Variants in ASIC2 observed in about 807,000 individuals in gnomAD.
ASIC2 encodes acid sensing ion channel subunit 2, also known as acid-sensing ion channel 2.
In ASIC2, 25 loss-of-function variants were observed where a neutral mutation model predicts 57.3. That is an observed-to-expected ratio of 0.44 (90% confidence interval 0.32 to 0.61). ASIC2 has a LOEUF of 0.61. Ranked by LOEUF, ASIC2 falls within the 20% of genes least tolerant of loss-of-function variation. The probability of loss-of-function intolerance (pLI) is 0.06; values close to 1 mark genes in which losing one functional copy is unlikely to be tolerated. For missense variants in ASIC2, 641 were observed against 738.1 expected (o/e 0.87, Z 1.52); for synonymous variants, 319 against 307.5 (o/e 1.04, Z -0.39).
intron 1 of ASIC2, among the ~76,000 whole-genome samples, chr17:34,138,882 C>G (rs1334678860): frequency 6.6e-6 from 1 of 152,194 alleles, no homozygotes; most frequent in Non-Finnish European, 1.5e-5. Context: ...ATCACACAAC[C>G]CAATCCTCTG....
chr17:33,887,619 T>C (rs1179505116), intron 1 of ASIC2, among the ~76,000 whole-genome samples: 1 of 152,110 alleles, frequency 6.6e-6, no homozygotes, highest in East Asian at 1.9e-4. Flanking sequence ...CTTTTGTGGT[T>C]CTGGGTGTAC....
intron 1 of ASIC2, chr17:33,565,811 G>C (rs1597787201): frequency 6.6e-6 from 1 of 152,378 alleles, no homozygotes; most frequent in East Asian, 1.9e-4. Flanking sequence ...CCTGTGTGTA[G>C]CACTCAGGAC....
chr17:33,536,883 C>G (rs1203656492), intron 1 of ASIC2, among the ~76,000 whole-genome samples: 1 of 152,086 alleles, frequency 6.6e-6, no homozygotes, highest in Non-Finnish European at 1.5e-5. Context: ...CCTGTAGTTC[C>G]AGCTACTTGG....
rs375676999 is a variant in ASIC2, at chr17:34,098,695, A to T, written c.555+57283T>A. Among the ~76,000 whole-genome samples, 31 of 152,058 alleles carry T rather than the reference A, an allele frequency of 2.0e-4. 1 individual carries two copies. The highest frequency in any genetic ancestry group is 7.2e-4 in the African/African-American group (30 of 41,456). On this transcript the variant is annotated intron_variant, in intron 1 of 9. Transcript: ENST00000359872. ...GCTTTCCGTAACTGTGTGTAGATAG[A>T]AAGAATTAGCATCATTAGGGTGAGA...
chr17:33,392,853 T>A (rs1322629726), intron 1 of ASIC2, among the ~76,000 whole-genome samples: 1 of 152,196 alleles, frequency 6.6e-6, no homozygotes, highest in South Asian at 2.1e-4. Flanking sequence ...ACCATAAATG[T>A]TCACCTTTGC....
intron 1 of ASIC2, among the ~76,000 whole-genome samples, chr17:33,247,588 G>C (rs1037050970): frequency 7.9e-5 from 12 of 152,246 alleles, no homozygotes; most frequent in Admixed American, 3.3e-4. Flanking sequence ...GAACAAGGTA[G>C]CTTTCAGAAA....
intron 1 of ASIC2, among the ~76,000 whole-genome samples, chr17:33,876,737 C>G (rs563235457): frequency 6.6e-6 from 1 of 152,314 alleles, no homozygotes; most frequent in Admixed American, 6.5e-5. Context: ...CAAGTCCAGT[C>G]CAGCCTCACA....
intron 1 of ASIC2, among the ~76,000 whole-genome samples, chr17:33,471,959 AACTC>A (rs1374027906): frequency 6.6e-6 from 1 of 151,986 alleles, no homozygotes; most frequent in Non-Finnish European, 1.5e-5. Flanking sequence ...AAGATTAAGC[AACTC>A]ACTCAAGGTC....
chr17:33,078,617 T>A (rs1472012627), intron 3 of ASIC2, among the ~76,000 whole-genome samples: 1 of 152,148 alleles, frequency 6.6e-6, no homozygotes, highest in Non-Finnish European at 1.5e-5. Context: ...GATTGATTGA[T>A]TGTAGAAATG....
At chr17:33,289,436 G>A (rs1024091790) in intron 1 of ASIC2, among the ~76,000 whole-genome samples, 1 of 152,198 alleles carries the variant, frequency 6.6e-6, no homozygotes, top group Non-Finnish European at 1.5e-5. Context: ...GATGACCTGG[G>A]CCACATGGGG....
chr17:33,167,798 G>GGTGC (rs763034575), intron 1 of ASIC2, among the ~76,000 whole-genome samples: 9,253 of 152,192 alleles, frequency 0.061, 381 homozygotes, highest in Non-Finnish European at 0.098. Context: ...GCCTTCCTCT[G>GGTGC]CCTCTATTTG....
chr17:33,842,418 A>T (rs1597898849), intron 1 of ASIC2, among the ~76,000 whole-genome samples: 1 of 152,214 alleles, frequency 6.6e-6, no homozygotes, highest in East Asian at 1.9e-4. Flanking sequence ...TGCTTAAGGT[A>T]TTCCTGTTAG....
At chr17:33,796,880 T>G (rs1911934514) in intron 1 of ASIC2, among the ~76,000 whole-genome samples, 1 of 152,252 alleles carries the variant, frequency 6.6e-6, no homozygotes, top group Non-Finnish European at 1.5e-5. Context: ...TCATTTAATC[T>G]ATTGAGTCTC....
In ASIC2 at chr17:33,605,955, G is replaced by A. The variant is rs992079990; in HGVS notation, c.556-493888C>T. Among the ~76,000 whole-genome samples, 10 of 152,308 alleles carry A rather than the reference G, an allele frequency of 6.6e-5. No homozygotes were observed. In the East Asian group the frequency reaches 1.9e-3, roughly 29 times the overall value. On this transcript the variant is annotated intron_variant, in intron 1 of 9. Transcript: ENST00000359872. The stretch of plus-strand genomic sequence containing the variant: ...CCACTTTCCTGGGGTGAGTGGCACA[G>A]GCACAGGAGATATTACAATGACACA...
intron 1 of ASIC2, among the ~76,000 whole-genome samples, chr17:33,640,228 A>G (rs1210099489): frequency 6.6e-6 from 1 of 152,100 alleles, no homozygotes; most frequent in East Asian, 1.9e-4. Flanking sequence ...AGGAGAGAGA[A>G]AAGCTGCCAT....
intron 3 of ASIC2, among the ~76,000 whole-genome samples, chr17:33,064,179 C>T (rs1032676596): frequency 6.6e-6 from 1 of 152,218 alleles, no homozygotes; most frequent in Non-Finnish European, 1.5e-5. Context: ...CATTCTCCAT[C>T]GAGCTTTGTT....
At chr17:34,145,575 G>A (rs186313889) in intron 1 of ASIC2, among the ~76,000 whole-genome samples, 13 of 152,294 alleles carry the variant, frequency 8.5e-5, no homozygotes, top group Non-Finnish European at 1.5e-4. Context: ...CTAGTCTGCC[G>A]ATATCCACTT....
intron 1 of ASIC2, among the ~76,000 whole-genome samples, chr17:33,611,275 T>C (rs1009350301): frequency 1.3e-5 from 2 of 152,178 alleles, no homozygotes; most frequent in Non-Finnish European, 2.9e-5. Context: ...TAAAAAGTAC[T>C]GGTTTTGGCT....
At chr17:33,398,030 A>T (rs1254484029) in intron 1 of ASIC2, among the ~76,000 whole-genome samples, 1 of 152,014 alleles carries the variant, frequency 6.6e-6, no homozygotes, top group African/African-American at 2.4e-5. Flanking sequence ...AGTGCAGGGG[A>T]TGGAGGAACT....
Sources: allele counts gnomAD v4.1 joint callset (sites outside exome capture counted in the v4.1 genomes callset), GRCh38; gene constraint gnomAD v4.1.1; transcripts MANE v1.5; gene names NCBI Gene and HGNC (gene_info 2026-07-23, HGNC 2026-07-21).